ANK2: variants seen among roughly 807,000 people sequenced by gnomAD.
The protein encoded by ANK2 is ankyrin-2.
A neutral mutation model predicts 360.5 loss-of-function variants in ANK2; 83 were observed. The observed-to-expected ratio is 0.23, with a 90% CI of 0.19 to 0.28. The LOEUF is 0.28. Ranked by LOEUF, ANK2 falls within the 10% of genes least tolerant of loss-of-function variation. The probability of loss-of-function intolerance (pLI) is 1.00; values close to 1 mark genes in which losing one functional copy is unlikely to be tolerated. For missense variants in ANK2, 4,201 were observed against 4,795.7 expected, an observed-to-expected ratio of 0.88 and a Z score of 3.66; for synonymous variants, 1,740 against 1,759.5, an observed-to-expected ratio of 0.99 and a Z score of 0.28.
the ANK2 span, among the ~76,000 whole-genome samples, chr4:112,743,240 A>G: frequency 9.3e-4 from 142 of 152,216 alleles, 1 homozygote; most frequent in African/African-American, 3.2e-3. Flanking sequence ...ATACCTGATA[A>G]TTTCATTATG....
At chr4:112,787,243 A>G in the ANK2 span, among the ~76,000 whole-genome samples, 1 of 152,240 alleles carries the variant, frequency 6.6e-6, no homozygotes, top group Non-Finnish European at 1.5e-5. Flanking sequence ...GATAAAAAAG[A>G]CAAAAATATA....
intron 14 of ANK2, among the ~76,000 whole-genome samples, chr4:113,269,132 G>A (rs929740057): frequency 1.3e-5 from 2 of 152,120 alleles, no homozygotes; most frequent in Admixed American, 1.3e-4. Context: ...CCCCTACCAC[G>A]CTGGAGCCTC....
At chr4:113,050,239 A>G (rs1209215333) in intron 1 of ANK2, among the ~76,000 whole-genome samples, 1 of 152,224 alleles carries the variant, frequency 6.6e-6, no homozygotes, top group African/African-American at 2.4e-5. Context: ...AGATGGCTAG[A>G]CAGCAAAAGC....
At chr4:112,879,845 C>T (rs953185730) in intron 1 of ANK2, among the ~76,000 whole-genome samples, 5 of 152,098 alleles carry the variant, frequency 3.3e-5, no homozygotes, top group Non-Finnish European at 7.3e-5. Context: ...TGTGATCTGG[C>T]CCCTGCTTCC....
At chr4:113,245,827 G>C (rs965248788) in intron 9 of ANK2, among the ~76,000 whole-genome samples, 2 of 151,486 alleles carry the variant, frequency 1.3e-5, no homozygotes, top group Non-Finnish European at 2.9e-5. Context: ...TTTTGAGACG[G>C]AGTTTTCACT....
intron 45 of ANK2, among the ~76,000 whole-genome samples, chr4:113,378,753 T>A (rs2097056853): frequency 6.6e-6 from 1 of 152,194 alleles, no homozygotes; most frequent in Admixed American, 6.5e-5. Flanking sequence ...AAGCAGCACA[T>A]TTTTACGCTT....
At chr4:113,161,737 T>C (rs1257330492) in intron 1 of ANK2, among the ~76,000 whole-genome samples, 1 of 150,478 alleles carries the variant, frequency 6.6e-6, no homozygotes, top group African/African-American at 2.5e-5. Flanking sequence ...TGTGTGTGCA[T>C]GTGCATGTAT....
At chr4:112,993,334 G>T (rs997923815) in intron 2 of ANK2, among the ~76,000 whole-genome samples, 8 of 151,970 alleles carry the variant, frequency 5.3e-5, no homozygotes, top group Non-Finnish European at 8.8e-5. Context: ...ACAGAGTCTC[G>T]CTCTGTCACC....
intron 2 of ANK2, among the ~76,000 whole-genome samples, chr4:112,945,660 T>C (rs1281601608): frequency 6.6e-6 from 1 of 152,178 alleles, no homozygotes; most frequent in Non-Finnish European, 1.5e-5. Context: ...CACGAGTACA[T>C]TGACAGACAC....
At chr4:112,856,034 G>T (rs1473111682) in intron 1 of ANK2, among the ~76,000 whole-genome samples, 1 of 152,046 alleles carries the variant, frequency 6.6e-6, no homozygotes, top group African/African-American at 2.4e-5. Flanking sequence ...CTTCTGTTTG[G>T]CTTGCTCATT....
intron 19 of ANK2, 106 bp downstream of exon 19, chr4:113,287,809 C>A: frequency 1.1e-6 from 1 of 896,560 alleles, no homozygotes; most frequent in South Asian, 1.4e-5. Flanking sequence ...CTCAAGAGTC[C>A]ATTCTGAAAT....
At chr4:112,748,300 T>G in the ANK2 span, among the ~76,000 whole-genome samples, 2 of 152,230 alleles carry the variant, frequency 1.3e-5, no homozygotes, top group East Asian at 3.9e-4. Flanking sequence ...ATAGAGTAAA[T>G]ATGGCACAAA....
chr4:113,303,305 A>G (rs2075819728), intron 23 of ANK2, among the ~76,000 whole-genome samples: 1 of 152,224 alleles, frequency 6.6e-6, no homozygotes, highest in Non-Finnish European at 1.5e-5. Flanking sequence ...ATATATTTTA[A>G]GCCCAGAGGA....
chr4:113,160,860 C>T (rs981839704), intron 1 of ANK2, among the ~76,000 whole-genome samples: 3 of 152,126 alleles, frequency 2.0e-5, no homozygotes, highest in Non-Finnish European at 4.4e-5. Context: ...GTTGGGGACC[C>T]CGGAATAAAT....
intron 31 of ANK2, among the ~76,000 whole-genome samples, chr4:113,338,543 CT>C (rs71582166): frequency 2.1e-3 from 200 of 96,106 alleles, no homozygotes; most frequent in East Asian, 5.8e-3. Context: ...AGATTGTTCA[CT>C]TTTTTTTTTT....
At chr4:113,076,432 C>A (rs2080012557) in intron 1 of ANK2, among the ~76,000 whole-genome samples, 1 of 152,178 alleles carries the variant, frequency 6.6e-6, no homozygotes, top group Non-Finnish European at 1.5e-5. Context: ...ATAGATTGAT[C>A]CACCAACCTT....
At chr4:112,886,566 G>T (rs1373297685) in intron 1 of ANK2, among the ~76,000 whole-genome samples, 1 of 152,140 alleles carries the variant, frequency 6.6e-6, no homozygotes. Context: ...GGAAGCTGAG[G>T]CAGGAGAATC....
rs1440071304 is a variant in ANK2 at position 113,336,250 on chromosome 4, A to G, written c.3591+193A>G. On this transcript the variant is annotated intron_variant, in intron 30 of 45. Transcript: ENST00000357077. ...TAAAAATTCAACTTATATTTGGACA[A>G]TTAACCAAAATTAATCTCCAGCTAC... 7 of 599,346 alleles carry G rather than the reference A, an allele frequency of 1.2e-5. No homozygotes were observed. In the South Asian group the frequency reaches 1.9e-4, roughly 16 times the overall value. The allele number at this position is 599,346 out of a possible 1,614,324, so 37.1% of individuals were successfully genotyped here. A position where few individuals can be genotyped will look rare whatever the true frequency, so the allele number is the denominator to read the frequency against.
At chr4:113,349,293 A>AAT (rs34031811) in intron 36 of ANK2, among the ~76,000 whole-genome samples, 44,370 of 151,972 alleles carry the variant, frequency 0.29, 10,105 homozygotes, top group African/African-American at 0.64. Flanking sequence ...AACTTAAAAT[A>AAT]ATATGTTTCT....
Sources: allele counts gnomAD v4.1 joint callset (sites outside exome capture counted in the v4.1 genomes callset), GRCh38; gene constraint gnomAD v4.1.1; transcripts MANE v1.5; gene names NCBI Gene and HGNC (gene_info 2026-07-23, HGNC 2026-07-21).